The following MYH8 variants were observed in gnomAD, a reference collection of about 807,000 sequenced individuals.
MYH8 encodes myosin heavy chain 8, also known as myosin-8.
MYH8 carries 168 observed loss-of-function variants against 233.2 expected under a neutral mutation model. That is an observed-to-expected ratio of 0.72 (90% CI 0.64 to 0.82). The LOEUF (loss-of-function observed/expected upper bound fraction) is 0.82, where lower values mean the gene tolerates loss of function less well. MYH8 is among the 40% of genes least tolerant of loss of function. The pLI is 0.00. For synonymous variants in MYH8, 785 were observed against 850.6 expected (o/e 0.92, Z 1.34); for missense variants, 1,995 against 2,327.8 (o/e 0.86, Z 2.94).
rs1334434497 is a variant in MYH8, at chr17:10,415,611, A to C, written c.540-31T>G. On this transcript the variant is annotated intron_variant, in intron 6 of 39. Coordinates refer to ENST00000403437, the MANE Select transcript of MYH8 (RefSeq NM_002472.3). This position sits in a 1 kb window ranked among gnomAD's most constrained non-coding sequence, Gnocchi z 4.1. ...AAACAGAAATCAGAGAAGAGATCAG[A>C]GAACTATGGCCTGCATTGTCAACAT... 16 of 1,613,930 alleles carry C rather than the reference A, an allele frequency of 9.9e-6. No homozygotes were observed. The highest frequency in any genetic ancestry group is 1.3e-5 in the Non-Finnish European group (15 of 1,179,762).
chr17:10,406,771 C>T lies in MYH8; in HGVS notation c.2090G>A (p.Arg697Lys), dbSNP rs2072198013. ...GATGCCTTCCAGCACACCATTACAC[C>T]TCAGCTGGTGCAACACAAGTTCATG... ...MEHELVLHQL[R>K]CNGVLEGIRI... is the part of the protein sequence containing the mutation. Residue 697 changes from arginine (R) to lysine (K), a missense_variant, in exon 19 of 40, where the codon AGG becomes AAG. Coordinates refer to ENST00000403437, the MANE Select transcript of MYH8 (RefSeq NM_002472.3). The T allele has an allele frequency of 6.2e-7, 1 of 1,614,138 alleles. No individual in the cohort carries two copies. The highest frequency in any genetic ancestry group is 8.5e-7 in the Non-Finnish European group (1 of 1,180,024).
At chr17:10,418,866 A>C in intron 4 of MYH8, 21 bp downstream of exon 4, 1 of 1,614,046 alleles carries the variant, frequency 6.2e-7, no homozygotes, top group Non-Finnish European at 8.5e-7. Context: ...ATGAAATAAA[A>C]AGGTGTTTAC....
chr17:10,391,859 C>T, intron 39 of MYH8, 23 bp downstream of exon 39: 1 of 1,594,552 alleles, frequency 6.3e-7, no homozygotes, highest in South Asian at 1.1e-5. Flanking sequence ...TCCTTCTTTC[C>T]TCAAGGGCTT....
rs889593737 is a variant in MYH8, at chr17:10,409,394, A to G, written c.1782T>C (p.Thr594=). The change falls in exon 16 of 40, where the codon ACT becomes ACC. Residue 594 remains threonine (T), a synonymous_variant. Transcript: ENST00000403437. ...HYAGTVDYNI[T]GWLDKNKDPL... ...GGTCCTTATTTTTGTCCAGCCAGCC[A>G]GTAATGTTGTAGTCCACAGTGCCAG... The G allele has an allele frequency of 1.9e-6, 3 of 1,614,108 alleles. No homozygotes were observed. Among genetic ancestry groups the G allele is most frequent in the Admixed American group, 3.3e-5 (2 of 60,008 alleles).
Position 10,390,384 on chromosome 17 carries a change from A to G in MYH8, c.*70T>C, listed in dbSNP as rs2072009161. 3 of 1,581,646 alleles carry G rather than the reference A, an allele frequency of 1.9e-6. No homozygotes were observed. Among genetic ancestry groups the G allele is most frequent in the Non-Finnish European group, 2.6e-6 (3 of 1,152,260 alleles). Reference sequence around the variant, plus strand: ...GCTTTAACAGGAAAATAAACGTCATAAAGCAAGTGACCAAAAATAGCACAT... The same window carrying G: ...GCTTTAACAGGAAAATAAACGTCATGAAGCAAGTGACCAAAAATAGCACAT... On this transcript the variant is annotated 3_prime_UTR_variant, in exon 40 of 40. Transcript: ENST00000403437.
rs2072253818 is a variant in MYH8 at position 10,412,640 on chromosome 17, C to A, written c.1236G>T (p.Glu412Asp). The change falls in exon 13 of 40, where the codon GAG becomes GAT. Residue 412 changes from glutamate (E) to aspartate (D), a missense_variant. Physicochemically the swap from Glu to Asp is conservative, Grantham distance 45. Transcript: ENST00000403437. Reference sequence around the variant, plus strand: ...GCACAGTCTGGCCTTTGGTGACATACTCATTGCCAACCTTGACCCTAGGGT... The same window carrying A: ...GCACAGTCTGGCCTTTGGTGACATAATCATTGCCAACCTTGACCCTAGGGT... ...LCYPRVKVGNEYVTKGQTVQQ... is the reference protein window; with the variant it reads ...LCYPRVKVGNDYVTKGQTVQQ... The A allele has an allele frequency of 6.2e-7, 1 of 1,614,146 alleles. No homozygotes were observed. The highest frequency in any genetic ancestry group is 8.5e-7 in the Non-Finnish European group (1 of 1,180,056).
chr17:10,395,625 C>T (rs911395528), intron 33 of MYH8, among the ~76,000 whole-genome samples, 184 bp from the exon 34 acceptor site: 4 of 152,012 alleles, frequency 2.6e-5, no homozygotes, highest in Non-Finnish European at 1.5e-5. Context: ...TATAGGGCAG[C>T]TCTGCAATAA....
Position 10,415,850 on chromosome 17 carries a change from A to G in MYH8, c.512-142T>C. 1 of 889,680 alleles carries G rather than the reference A, an allele frequency of 1.1e-6. No homozygotes were observed. Among genetic ancestry groups the G allele is most frequent in the Non-Finnish European group, 1.8e-6 (1 of 561,958 alleles). The allele number at this position is 889,680 out of a possible 1,614,324, so 55.1% of individuals were successfully genotyped here. A position where few individuals can be genotyped will look rare whatever the true frequency, so the allele number is the denominator to read the frequency against. On this transcript the variant is annotated intron_variant, in intron 5 of 39. Transcript: ENST00000403437. This position sits in a 1 kb window ranked among gnomAD's most constrained non-coding sequence, Gnocchi z 4.1. ...GTTTTGATTTTGTGTTTATCCTCCA[A>G]AATAGCCAATTGCTTCTCAGTGTAA... is the stretch of plus-strand genomic sequence containing the variant.
In MYH8 at chr17:10,398,608, G is replaced by C. The variant is rs750304206; in HGVS notation, c.4014C>G (p.Ser1338=). Residue 1338 remains serine (S), a synonymous_variant, in exon 30 of 40, where the codon TCC becomes TCG. Transcript: ENST00000403437. The part of the protein sequence containing the change: ...AKNALAHALQ[S]SRHDCDLLRE... ...GCAGCAGGTCGCAGTCATGGCGGGA[G>C]GACTGCAGGGCGTGTGCCAGGGCGT... 4.3e-6 allele frequency: 7 copies of C among 1,614,072 alleles called. No individual in the cohort carries two copies. In the East Asian group the frequency reaches 1.6e-4, roughly 36 times the overall value.
intron 30 of MYH8, 102 bp from the exon 31 acceptor site, chr17:10,397,088 G>T (rs2072086755): frequency 1.5e-6 from 2 of 1,378,894 alleles, no homozygotes; most frequent in Non-Finnish European, 2.0e-6. Flanking sequence ...CTTTTCTTTT[G>T]TTTCTTTTTT....
intron 39 of MYH8, 27 bp downstream of exon 39, chr17:10,391,855 T>C: frequency 6.3e-7 from 1 of 1,585,778 alleles, no homozygotes; most frequent in South Asian, 1.1e-5. Flanking sequence ...AATTTCCTTC[T>C]TTCCTCAAGG....
chr17:10,408,975 C>T lies in MYH8; in HGVS notation c.1965+122G>A, dbSNP rs1429428371. The T allele has an allele frequency of 2.6e-5, 23 of 888,906 alleles. No individual in the cohort carries two copies. In the East Asian group the frequency reaches 2.9e-4, roughly 11 times the overall value. The allele number at this position is 888,906 out of a possible 1,614,324, so 55.1% of individuals were successfully genotyped here. ...TAGTATTTCTTTGGCTATACTCTGA[C>T]GAGAGCTGATATTTGAAGTGATTCC... On this transcript the variant is annotated intron_variant, in intron 17 of 39. Transcript: ENST00000403437.
rs1436319560 is a variant in MYH8, at chr17:10,418,733, C to A, written c.423G>T (p.Val141=). 1.2e-6 allele frequency: 2 copies of A among 1,613,910 alleles called. No homozygotes were observed. The highest frequency in any genetic ancestry group is 3.3e-5 in the Admixed American group (2 of 60,016). Residue 141 remains valine, a synonymous_variant, in exon 5 of 40, where the codon GTG becomes GTT. Coordinates refer to ENST00000403437, the MANE Select transcript of MYH8 (RefSeq NM_002472.3). ...GCTTTTTGCCTCTGTAGGCAGCCAC[C>A]ACCTCGGGCTTGTACACCGGCAGCC... ...YKWLPVYKPE[V]VAAYRGKKRQ...
chr17:10,401,678 C>T lies in MYH8; in HGVS notation c.2796G>A (p.Glu932=), dbSNP rs1467884817. Residue 932 remains glutamate, a synonymous_variant, in exon 23 of 40, where the codon GAG becomes GAA. Transcript: ENST00000403437. The stretch of plus-strand genomic sequence containing the variant: ...CTGTCAGCTCAGCATTGATCTCTTC[C>T]TCCTCCTCAGCTCTTTCAGTCACCT... ...IKEVTERAEE[E]EEINAELTAK... The T allele has an allele frequency of 2.5e-6, 4 of 1,614,116 alleles. No individual in the cohort carries two copies. Among genetic ancestry groups the T allele is most frequent in the Non-Finnish European group, 3.4e-6 (4 of 1,180,040 alleles).
At position 10,400,634 on chromosome 17, in the gene MYH8, A is replaced by C. The variant is rs1271271357; in HGVS notation, c.3491T>G (p.Val1164Gly). 2 of 1,614,022 alleles carry C rather than the reference A, an allele frequency of 1.2e-6. No individual in the cohort carries two copies. Among genetic ancestry groups the C allele is most frequent in the Admixed American group, 3.3e-5 (2 of 60,008 alleles). The change falls in exon 27 of 40, where the codon GTG becomes GGG. Residue 1164 changes from valine (V) to glycine (G), a missense_variant. Val to Gly is a moderately radical substitution (Grantham distance 109). Around this residue, in one of 3 missense-constraint regions of MYH8, gnomAD observed 1,498 missense variants for 1,680.9 expected, o/e 0.89. Coordinates refer to ENST00000403437, the MANE Select transcript of MYH8 (RefSeq NM_002472.3). The surrounding 1 kb of genome is among the most constrained non-coding windows in gnomAD (Gnocchi z 4.0). The stretch of plus-strand genomic sequence containing the variant: ...AGCCTCCCGCTTCTTGTTCAATTCC[A>C]CCTGAGCAGAAGTTGCCCCACCGGC... ...EEAGGATSAQVELNKKREAEF... is the reference protein window; with the variant it reads ...EEAGGATSAQGELNKKREAEF...
chr17:10,395,286 C>A lies in MYH8; in HGVS notation c.4809G>T (p.Thr1603=), dbSNP rs772655300. 2 of 1,614,172 alleles carry A rather than the reference C, an allele frequency of 1.2e-6. No individual in the cohort carries two copies. Among genetic ancestry groups the A allele is most frequent in the Admixed American group, 1.7e-5 (1 of 60,026 alleles). ...TTCTGCTTCTAATCTCTGCATCCAG[C>A]GTGCTCTGCATTGTCTCCACGACTC... ...HTRVVETMQS[T]LDAEIRSRND... The change falls in exon 34 of 40, where the codon ACG becomes ACT. Residue 1603 remains threonine (T), a synonymous_variant. Coordinates refer to ENST00000403437, the MANE Select transcript of MYH8 (RefSeq NM_002472.3).
intron 14 of MYH8, 124 bp from the exon 15 acceptor site, chr17:10,411,071 T>C: frequency 6.6e-7 from 1 of 1,521,402 alleles, no homozygotes. Flanking sequence ...AAAACTAACG[T>C]TGCTCCCTCA....
Position 10,421,363 on chromosome 17 carries a change from A to G in MYH8, c.-31+300T>C, listed in dbSNP as rs77644525. On this transcript the variant is annotated intron_variant, in intron 2 of 39. Transcript: ENST00000403437. ...TAAGTCCTCAATGCTTTGCCATAGAAGAAGACTGGCATGGACTAGTCTATT... is the reference window on the plus strand; with the variant it reads ...TAAGTCCTCAATGCTTTGCCATAGAGGAAGACTGGCATGGACTAGTCTATT... 6.6e-4 allele frequency among the ~76,000 whole-genome samples: 100 copies of G among 152,342 alleles called. 1 individual carries two copies. The East Asian group carries it at 0.019, about 29-fold the overall frequency.
intron 12 of MYH8, among the ~76,000 whole-genome samples, chr17:10,413,638 C>A (rs1567688916): frequency 6.6e-6 from 1 of 152,244 alleles, no homozygotes; most frequent in East Asian, 1.9e-4. Context: ...CAACCAGGAG[C>A]ACTATTATAT....
Sources: allele counts gnomAD v4.1 joint callset (sites outside exome capture counted in the v4.1 genomes callset), GRCh38; gene constraint gnomAD v4.1.1; regional missense constraint gnomAD v4.1.1; non-coding constraint Gnocchi (gnomAD v3.1); transcripts MANE v1.5; gene names NCBI Gene and HGNC (gene_info 2026-07-23, HGNC 2026-07-21).